The following FHIP1A variants were observed in gnomAD, a reference collection of about 807,000 sequenced individuals.
FHIP1A encodes FHF complex subunit HOOK-interacting protein 1A.
In FHIP1A, 61 loss-of-function variants were observed where a neutral mutation model predicts 88.6. That is an observed-to-expected ratio of 0.69 (90% CI 0.56 to 0.85). FHIP1A has a LOEUF of 0.85. FHIP1A is among the 40% of genes least tolerant of loss of function. FHIP1A has a pLI of 0.00. For missense variants in FHIP1A, 1,154 were observed against 1,273.5 expected (o/e 0.91, Z 1.43); for synonymous variants, 478 against 496.0 (o/e 0.96, Z 0.48).
chr4:151,420,360 CA>C (rs1561487383), intron 1 of FHIP1A, among the ~76,000 whole-genome samples: 1 of 146,140 alleles, frequency 6.8e-6, no homozygotes, highest in Non-Finnish European at 1.5e-5. Context: ...AGCATTTCTT[CA>C]TGTGTTTTTT....
chr4:151,542,626 A>T (rs372348736), intron 3 of FHIP1A, among the ~76,000 whole-genome samples: 1 of 152,078 alleles, frequency 6.6e-6, no homozygotes. Flanking sequence ...AGAATTCTTT[A>T]TGAGCTCCCA....
chr4:151,422,426 G>T (rs1046196580), intron 1 of FHIP1A, among the ~76,000 whole-genome samples: 1 of 151,486 alleles, frequency 6.6e-6, no homozygotes, highest in African/African-American at 2.4e-5. Flanking sequence ...TTGCTCCATT[G>T]TCCAGGCTGG....
intron 3 of FHIP1A, among the ~76,000 whole-genome samples, chr4:151,556,088 C>T (rs1444054397): frequency 6.6e-6 from 1 of 152,038 alleles, no homozygotes; most frequent in Non-Finnish European, 1.5e-5. Context: ...AAGGTATATA[C>T]TCTCATATTT....
In FHIP1A at chr4:151,664,588, T is replaced by A. The variant is rs28461656; in HGVS notation, c.*1834T>A. 6.6e-6 allele frequency among the ~76,000 whole-genome samples: 1 copy of A among 152,216 alleles called. No homozygotes were observed. Among genetic ancestry groups the A allele is most frequent in the African/African-American group, 2.4e-5 (1 of 41,446 alleles). On this transcript the variant is annotated 3_prime_UTR_variant, in exon 14 of 14. Coordinates refer to ENST00000435205, the MANE Select transcript of FHIP1A (RefSeq NM_001109977.3). ...GATGAAGCACAGCAGACTGGTCTGC[T>A]TCTGGCTTCCTGATGTCTGGTTGTA...
rs183320465 is a variant in FHIP1A at position 151,586,808 on chromosome 4, G to A, written c.891+9G>A. 2,318 of 1,532,468 alleles carry A rather than the reference G, an allele frequency of 1.5e-3. 3 individuals carry two copies. The highest frequency in any genetic ancestry group is 2.0e-3 in the Non-Finnish European group (2,208 of 1,132,142). The allele number at this position is 1,532,468 out of a possible 1,614,324, so 94.9% of individuals were successfully genotyped here. On this transcript the variant is annotated intron_variant, in intron 6 of 13. Coordinates refer to ENST00000435205, the MANE Select transcript of FHIP1A (RefSeq NM_001109977.3). ...GCAATGCAGTCATACAGGTACCAGA[G>A]CACAATAAAGGATCCCTTTGCTATG...
At chr4:151,536,762 A>G (rs1229949314) in intron 3 of FHIP1A, among the ~76,000 whole-genome samples, 3 of 152,238 alleles carry the variant, frequency 2.0e-5, no homozygotes, top group Non-Finnish European at 4.4e-5. Context: ...TAAAACTACT[A>G]TGAACATTTG....
Position 151,444,906 on chromosome 4 carries a change from C to A in FHIP1A, c.-355-9795C>A, listed in dbSNP as rs561557467. Among the ~76,000 whole-genome samples the A allele has an allele frequency of 7.9e-5, 12 of 152,254 alleles. 1 individual carries two copies. In the East Asian group the frequency reaches 2.3e-3, roughly 29 times the overall value. On this transcript the variant is annotated intron_variant, in intron 1 of 13. Coordinates refer to ENST00000435205, the MANE Select transcript of FHIP1A (RefSeq NM_001109977.3). ...AAAATGTGTGTGGGTATTTCTCACA[C>A]CAACCAATTCTTTAATTCTTGGCAG... is the stretch of plus-strand genomic sequence containing the variant.
At chr4:151,442,790 T>C (rs1728458820) in intron 1 of FHIP1A, among the ~76,000 whole-genome samples, 1 of 152,208 alleles carries the variant, frequency 6.6e-6, no homozygotes, top group Non-Finnish European at 1.5e-5. Context: ...TCTAATCTGT[T>C]CTTCCATATG....
At chr4:151,512,962 A>T (rs1480461540) in intron 3 of FHIP1A, among the ~76,000 whole-genome samples, 1 of 152,192 alleles carries the variant, frequency 6.6e-6, no homozygotes, top group Non-Finnish European at 1.5e-5. Context: ...CGCCACAAAG[A>T]TACTCCTCGA....
chr4:151,473,900 G>A (rs1729611737), intron 2 of FHIP1A, among the ~76,000 whole-genome samples: 1 of 152,156 alleles, frequency 6.6e-6, no homozygotes. Flanking sequence ...CTCTATATAG[G>A]GGATGTTTTG....
chr4:151,484,912 C>A (rs948160367), intron 3 of FHIP1A, among the ~76,000 whole-genome samples: 4 of 152,168 alleles, frequency 2.6e-5, no homozygotes, highest in Non-Finnish European at 5.9e-5. Context: ...CTGAGTCATG[C>A]AGAATTGGGG....
At chr4:151,410,448 A>T (rs1234421232) in intron 1 of FHIP1A, among the ~76,000 whole-genome samples, 1 of 152,212 alleles carries the variant, frequency 6.6e-6, no homozygotes, top group Non-Finnish European at 1.5e-5. Context: ...TCTCATTAGG[A>T]AGTCAGCTGC....
chr4:151,641,575 G>A (rs931423487), intron 9 of FHIP1A, among the ~76,000 whole-genome samples: 11 of 152,170 alleles, frequency 7.2e-5, no homozygotes, highest in African/African-American at 1.2e-4. Context: ...TAGTGCTAGT[G>A]TATTTTATGT....
rs763599410 is a variant in FHIP1A, at chr4:151,616,444, C to CTTT, written c.979-13238_979-13236dup. ...GAGACAAATATATCTTTCTTTCTTT[C>CTTT]TTTTTTTTTTTTTTTTTTTTTTGAG... On this transcript the variant is annotated intron_variant, in intron 7 of 13. Transcript: ENST00000435205. Among the ~76,000 whole-genome samples, 178 of 113,376 alleles carry CTTT rather than the reference C, an allele frequency of 1.6e-3. 1 individual carries two copies. The highest frequency in any genetic ancestry group is 2.0e-3 in the African/African-American group (61 of 29,994). 74.4% of individuals were successfully genotyped at this position (113,376 alleles called of 152,430 possible).
At chr4:151,653,590 G>T (rs1478210350) in intron 11 of FHIP1A, among the ~76,000 whole-genome samples, 5 of 152,156 alleles carry the variant, frequency 3.3e-5, no homozygotes, top group Non-Finnish European at 5.9e-5. Flanking sequence ...TTAGCACATT[G>T]CCTGGCAGGT....
At chr4:151,578,575 G>A (rs1252196466) in intron 5 of FHIP1A, among the ~76,000 whole-genome samples, 1 of 152,156 alleles carries the variant, frequency 6.6e-6, no homozygotes, top group Non-Finnish European at 1.5e-5. Flanking sequence ...CAGTTAGTGT[G>A]CAGGGGCCAC....
At chr4:151,587,526 T>A (rs1030049045) in intron 6 of FHIP1A, among the ~76,000 whole-genome samples, 2 of 150,556 alleles carry the variant, frequency 1.3e-5, no homozygotes, top group African/African-American at 4.8e-5. Context: ...CCTTTTTTTT[T>A]ATTATTATAC....
At chr4:151,552,379 A>G (rs914361477) in intron 3 of FHIP1A, among the ~76,000 whole-genome samples, 4 of 152,204 alleles carry the variant, frequency 2.6e-5, no homozygotes, top group Non-Finnish European at 4.4e-5. Context: ...ATGCACATAT[A>G]TGTTTATTGT....
chr4:151,530,123 A>C (rs186110980), intron 3 of FHIP1A, among the ~76,000 whole-genome samples: 40 of 152,296 alleles, frequency 2.6e-4, no homozygotes, highest in Admixed American at 1.2e-3. Context: ...TACTGTCCTC[A>C]CTATAGTACA....
Sources: allele counts gnomAD v4.1 joint callset (sites outside exome capture counted in the v4.1 genomes callset), GRCh38; gene constraint gnomAD v4.1.1; transcripts MANE v1.5; gene names NCBI Gene and HGNC (gene_info 2026-07-23, HGNC 2026-07-21).